GFOD2: variants seen among roughly 807,000 people sequenced by gnomAD.
GFOD2 encodes the protein glucose-fructose oxidoreductase domain-containing protein 2.
In GFOD2, 9 loss-of-function variants were observed where a neutral mutation model predicts 24.6. The observed-to-expected ratio is 0.37, with a 90% CI of 0.22 to 0.64. The LOEUF is 0.64. Among genes scored for constraint, GFOD2 ranks in the 30% least tolerant of loss-of-function variants. GFOD2 has a pLI of 0.65. For synonymous variants in GFOD2, 211 were observed against 224.8 expected (o/e 0.94, Z 0.55); for missense variants, 476 against 532.5 (o/e 0.89, Z 1.04).
intron 1 of GFOD2, among the ~76,000 whole-genome samples, chr16:67,714,725 G>A (rs1459020172): frequency 6.6e-6 from 1 of 152,132 alleles, no homozygotes; most frequent in African/African-American, 2.4e-5. Flanking sequence ...ACCACACTAA[G>A]TACTCAGTTC....
rs1260183769 is a variant in GFOD2, at chr16:67,674,853, C to G, written c.*302G>C. The G allele has an allele frequency of 7.8e-6, 3 of 386,164 alleles. No homozygotes were observed. Among genetic ancestry groups the G allele is most frequent in the Non-Finnish European group, 1.4e-5 (3 of 211,740 alleles). The allele number at this position is 386,164 out of a possible 1,614,324, so 23.9% of individuals were successfully genotyped here. ...CACCCTGTTAGGACTGCGGATCAGG[C>G]TGAAGGGCTCCCCAGGGTGAGCCTT... On this transcript the variant is annotated 3_prime_UTR_variant, in exon 3 of 3. Transcript: ENST00000268797.
intron 1 of GFOD2, among the ~76,000 whole-genome samples, chr16:67,716,771 C>T (rs993235127): frequency 6.6e-6 from 1 of 152,172 alleles, no homozygotes; most frequent in Non-Finnish European, 1.5e-5. Context: ...GATAATGCCC[C>T]ATTATAACTC....
rs1283891218 is a variant in GFOD2, at chr16:67,674,996, G to A, written c.*159C>T. Reference sequence around the variant, plus strand: ...CACCCTGCAAGTCTGAGGAGCAGATGAGCCACTGGAGGGGGCGAAGTCCCA... The same window carrying A: ...CACCCTGCAAGTCTGAGGAGCAGATAAGCCACTGGAGGGGGCGAAGTCCCA... On this transcript the variant is annotated 3_prime_UTR_variant, in exon 3 of 3. Coordinates refer to ENST00000268797, the MANE Select transcript of GFOD2 (RefSeq NM_030819.4). 1.4e-5 allele frequency: 11 copies of A among 767,612 alleles called. No homozygotes were observed. The highest frequency in any genetic ancestry group is 1.9e-5 in the Non-Finnish European group (9 of 474,738). The allele number at this position is 767,612 out of a possible 1,614,324, so 47.6% of individuals were successfully genotyped here.
At chr16:67,678,708 A>G (rs973585842) in intron 2 of GFOD2, among the ~76,000 whole-genome samples, 9 of 152,164 alleles carry the variant, frequency 5.9e-5, no homozygotes, top group Admixed American at 3.9e-4. Context: ...GTAAAGCAGG[A>G]TTTTACAGTT....
intron 2 of GFOD2, chr16:67,683,416 G>C: frequency 4.9e-6 from 6 of 1,229,098 alleles, no homozygotes; most frequent in Non-Finnish European, 6.1e-6. Context: ...GGGATGGCAA[G>C]GAGTCAAGTG....
Position 67,691,509 on chromosome 16 carries a change from C to CCG in GFOD2, c.-87-5708_-87-5707insCG, listed in dbSNP as rs796291337. ...AGAAGCAAGTCACACTGTGCCTAGA[C>CCG]CCCCCCCCAAAAAAAAAAAAATTAA... is the stretch of plus-strand genomic sequence containing the variant. On this transcript the variant is annotated intron_variant, in intron 1 of 2. Transcript: ENST00000268797. Among the ~76,000 whole-genome samples, 384 of 126,290 alleles carry CCG rather than the reference C, an allele frequency of 3.0e-3. 12 individuals are homozygous for CCG. Among genetic ancestry groups the CCG allele is most frequent in the African/African-American group, 0.013 (368 of 27,462 alleles). The allele number at this position is 126,290 out of a possible 152,430, so 82.9% of individuals were successfully genotyped here.
intron 2 of GFOD2, chr16:67,684,026 G>T: frequency 2.5e-6 from 1 of 395,096 alleles, no homozygotes; most frequent in Non-Finnish European, 3.4e-6. Context: ...ACACAGCTTT[G>T]AATGTCCAAA....
intron 1 of GFOD2, among the ~76,000 whole-genome samples, chr16:67,695,677 A>T (rs2142995598): frequency 6.6e-6 from 1 of 151,998 alleles, no homozygotes; most frequent in South Asian, 2.1e-4. Context: ...CTGGGATTAC[A>T]GGCATGCGCC....
At chr16:67,678,405 G>A (rs1017308161) in intron 2 of GFOD2, among the ~76,000 whole-genome samples, 9 of 151,996 alleles carry the variant, frequency 5.9e-5, no homozygotes, top group African/African-American at 2.2e-4. Flanking sequence ...GAACCCGGGA[G>A]GTGGAGGTTG....
intron 1 of GFOD2, among the ~76,000 whole-genome samples, chr16:67,716,493 G>A (rs548268110): frequency 9.9e-5 from 15 of 152,254 alleles, no homozygotes; most frequent in South Asian, 4.1e-4. Flanking sequence ...CACCACAGCC[G>A]TATTTAAGCA....
chr16:67,680,980 G>C (rs1389327030), intron 2 of GFOD2: 2 of 985,312 alleles, frequency 2.0e-6, no homozygotes, highest in Non-Finnish European at 2.4e-6. Context: ...AGGGTGGCCA[G>C]GCCCTTGCAC....
intron 1 of GFOD2, among the ~76,000 whole-genome samples, chr16:67,708,847 C>T (rs1181858925): frequency 6.6e-6 from 1 of 152,094 alleles, no homozygotes; most frequent in Non-Finnish European, 1.5e-5. Flanking sequence ...AAGACCCATA[C>T]TGTAGAATTC....
intron 1 of GFOD2, among the ~76,000 whole-genome samples, chr16:67,718,059 T>C (rs75084638): frequency 0.014 from 2,179 of 152,324 alleles, 44 homozygotes; most frequent in African/African-American, 0.047. Context: ...AGTGTAGCTT[T>C]CCAGAAGGAA....
chr16:67,696,315 G>A (rs960175090), intron 1 of GFOD2, among the ~76,000 whole-genome samples: 2 of 148,720 alleles, frequency 1.3e-5, no homozygotes, highest in Non-Finnish European at 3.0e-5. Flanking sequence ...GCCCGGCCGG[G>A]AATCTTTTTT....
chr16:67,696,818 AG>A (rs2053363144), intron 1 of GFOD2, among the ~76,000 whole-genome samples: 1 of 152,186 alleles, frequency 6.6e-6, no homozygotes, highest in Non-Finnish European at 1.5e-5. Context: ...CTCAAAGGGA[AG>A]CTTCATCAAC....
Position 67,675,373 on chromosome 16 carries a change from A to G in GFOD2, c.940T>C (p.Leu314=), listed in dbSNP as rs766034402. The G allele has an allele frequency of 8.7e-6, 14 of 1,613,278 alleles. No individual in the cohort carries two copies. Among genetic ancestry groups the G allele is most frequent in the Non-Finnish European group, 1.2e-5 (14 of 1,179,888 alleles). The stretch of plus-strand genomic sequence containing the variant: ...CCCTGCCCCTGGAAGGACTGGCGCA[A>G]GGCCTGCACCATGTAGACCATGCCC... ...LKGMVYMVQA[L]RQSFQGQGDR... Residue 314 remains leucine, a synonymous_variant, in exon 3 of 3, where the codon TTG becomes CTG. Transcript: ENST00000268797.
rs542893576 is a variant in GFOD2 at position 67,694,987 on chromosome 16, C to CTTT, written c.-87-9188_-87-9186dup. 2.0e-3 allele frequency among the ~76,000 whole-genome samples: 241 copies of CTTT among 121,572 alleles called. 1 individual carries two copies. Among genetic ancestry groups the CTTT allele is most frequent in the East Asian group, 3.1e-3 (13 of 4,206 alleles). 79.8% of individuals were successfully genotyped at this position (121,572 alleles called of 152,430 possible). On this transcript the variant is annotated intron_variant, in intron 1 of 2. Coordinates refer to ENST00000268797, the MANE Select transcript of GFOD2 (RefSeq NM_030819.4). ...CCTTTTCTACTTTCTCCATCTCTCT[C>CTTT]TTTTTTTTTTTTTTTTTTTTTTTGA... is the stretch of plus-strand genomic sequence containing the variant.
intron 1 of GFOD2, among the ~76,000 whole-genome samples, chr16:67,694,408 G>A (rs1217994117): frequency 2.6e-5 from 4 of 152,154 alleles, no homozygotes; most frequent in South Asian, 4.1e-4. Flanking sequence ...GCCTCCCAAG[G>A]TGGTGGGATT....
intron 2 of GFOD2, chr16:67,682,912 T>C: frequency 3.9e-6 from 3 of 772,728 alleles, no homozygotes; most frequent in Non-Finnish European, 4.7e-6. Flanking sequence ...CAGACACAGA[T>C]AGCTGGATCC....
Sources: gnomAD v4.1 joint callset for allele counts (sites outside exome capture counted in the v4.1 genomes callset) on GRCh38, gnomAD v4.1.1 for gene constraint, MANE v1.5 for transcripts, NCBI Gene and HGNC (gene_info 2026-07-23, HGNC 2026-07-21) for gene names.